The following SLC35E2B variants were observed in gnomAD, a reference collection of about 807,000 sequenced individuals.
The protein encoded by SLC35E2B is solute carrier family 35 member E2B, also known as solute carrier family 35, member E2B.
A neutral mutation model predicts 32.4 loss-of-function variants in SLC35E2B; 18 were observed. That is an observed-to-expected ratio of 0.56 (90% CI 0.38 to 0.82). The LOEUF is 0.82. Among genes scored for constraint, SLC35E2B ranks in the 40% least tolerant of loss-of-function variants. The probability of loss-of-function intolerance (pLI) is 0.00; values close to 1 mark genes in which losing one functional copy is unlikely to be tolerated. For synonymous variants in SLC35E2B, 132 were observed against 209.1 expected (o/e 0.63, Z 3.18); for missense variants, 263 against 469.5 (o/e 0.56, Z 4.06).
chr1:1,664,455 G>A lies in SLC35E2B; in HGVS notation c.*1327C>T. The A allele has an allele frequency of 7.7e-6, 7 of 906,782 alleles. No individual in the cohort carries two copies. Among genetic ancestry groups the A allele is most frequent in the Non-Finnish European group, 9.2e-6 (7 of 759,020 alleles). 56.2% of individuals were successfully genotyped at this position (906,782 alleles called of 1,614,324 possible). A position where few individuals can be genotyped will look rare whatever the true frequency, so the allele number is the denominator to read the frequency against. On this transcript the variant is annotated 3_prime_UTR_variant, in exon 10 of 10. Transcript: ENST00000617444. ...CCCCATGCTGCCTCTGACAAGCCCT[G>A]GAGCTCTGGGTCTCAAAGGCTGGCT... is the stretch of plus-strand genomic sequence containing the variant.
In SLC35E2B at chr1:1,671,561, T is replaced by A. The variant is rs1340924408; in HGVS notation, c.655A>T (p.Ser219Cys). 1 of 1,549,660 alleles carries A rather than the reference T, an allele frequency of 6.5e-7. No individual in the cohort carries two copies. Among genetic ancestry groups the A allele is most frequent in the South Asian group, 1.2e-5 (1 of 83,582 alleles). The change falls in exon 6 of 10, where the codon AGC becomes TGC. Residue 219 changes from serine (S) to cysteine (C), a missense_variant. Ser to Cys is a moderately radical substitution (Grantham distance 112). Coordinates refer to ENST00000617444, the MANE Select transcript of SLC35E2B (RefSeq NM_001290264.2). ...GCCGAGAACCCCAGGACATTGAAGC[T>A]GATCTCAGTGGCCGTGCACAGCGCC... ...GLALCTATEI[S>C]FNVLGFSAAL...
In SLC35E2B at chr1:1,665,701, G is replaced by A. The variant is rs912110154; in HGVS notation, c.*81C>T. The A allele has an allele frequency of 6.6e-7, 1 of 1,511,616 alleles. No individual in the cohort carries two copies. Among genetic ancestry groups the A allele is most frequent in the Non-Finnish European group, 8.9e-7 (1 of 1,124,486 alleles). 93.6% of individuals were successfully genotyped at this position (1,511,616 alleles called of 1,614,324 possible). A position where few individuals can be genotyped will look rare whatever the true frequency, so the allele number is the denominator to read the frequency against. On this transcript the variant is annotated 3_prime_UTR_variant, in exon 10 of 10. Transcript: ENST00000617444. ...GCTCCCCATGTCCTGCACCCCAGCA[G>A]GGCCATGGAGGAGGGCGTCCCTGCC...
chr1:1,690,421 A>T (rs1307831904), intron 2 of SLC35E2B, among the ~76,000 whole-genome samples: 1 of 150,026 alleles, frequency 6.7e-6, no homozygotes, highest in African/African-American at 2.4e-5. Context: ...ATTCCTACAA[A>T]CCAAGTAGAA....
chr1:1,673,065 C>G (rs1446176838), intron 5 of SLC35E2B: 1 of 166,906 alleles, frequency 6.0e-6, no homozygotes. Flanking sequence ...ATTTTGTTTA[C>G]GATTTTTAGG....
chr1:1,686,555 G>A (rs1221555240), intron 2 of SLC35E2B, among the ~76,000 whole-genome samples: 1 of 151,736 alleles, frequency 6.6e-6, no homozygotes. Flanking sequence ...AGGCCGAGGC[G>A]GGTGGATCAC....
At chr1:1,679,222 G>A (rs1186402261) in intron 2 of SLC35E2B, among the ~76,000 whole-genome samples, 3 of 152,208 alleles carry the variant, frequency 2.0e-5, no homozygotes, top group Middle Eastern at 3.2e-3. Context: ...GGGCTCGGGC[G>A]TGTGCAGACG....
chr1:1,666,093 G>A (rs959826812), intron 9 of SLC35E2B, 74 bp from the exon 10 acceptor site: 4 of 1,481,756 alleles, frequency 2.7e-6, no homozygotes, highest in Non-Finnish European at 3.6e-6. Context: ...CAGCTCGGCT[G>A]AGCCTGGGTC....
Position 1,665,756 on chromosome 1 carries a change from C to CA in SLC35E2B, c.*25dup. Reference sequence around the variant, plus strand: ...TCTGGGGGATGCAGTGTCACGAGGACAGCAGCAGCTGGCAGCTTCCTGCTC... The same window carrying CA: ...TCTGGGGGATGCAGTGTCACGAGGACAAGCAGCAGCTGGCAGCTTCCTGCTC... On this transcript the variant is annotated 3_prime_UTR_variant, in exon 10 of 10. Coordinates refer to ENST00000617444, the MANE Select transcript of SLC35E2B (RefSeq NM_001290264.2). The CA allele has an allele frequency of 6.5e-7, 1 of 1,547,192 alleles. No individual in the cohort carries two copies. Among genetic ancestry groups the CA allele is most frequent in the Non-Finnish European group, 8.7e-7 (1 of 1,144,570 alleles).
At position 1,661,608 on chromosome 1, in the gene SLC35E2B, C is replaced by CA. The variant is rs1570296960; in HGVS notation, c.*4173dup. 1 of 563,162 alleles carries CA rather than the reference C, an allele frequency of 1.8e-6. No individual in the cohort carries two copies. Among genetic ancestry groups the CA allele is most frequent in the African/African-American group, 2.0e-5 (1 of 50,670 alleles). 34.9% of individuals were successfully genotyped at this position (563,162 alleles called of 1,614,324 possible). A position where few individuals can be genotyped will look rare whatever the true frequency, so the allele number is the denominator to read the frequency against. On this transcript the variant is annotated 3_prime_UTR_variant, in exon 10 of 10. Coordinates refer to ENST00000617444, the MANE Select transcript of SLC35E2B (RefSeq NM_001290264.2). ...GTTACACGGTATCAACTTACCACCA[C>CA]AGCAGAATCAACAGTGACTCGCTAA...
chr1:1,665,148 C>T lies in SLC35E2B; in HGVS notation c.*634G>A, dbSNP rs1643508786. On this transcript the variant is annotated 3_prime_UTR_variant, in exon 10 of 10. Coordinates refer to ENST00000617444, the MANE Select transcript of SLC35E2B (RefSeq NM_001290264.2). ...TAAACAGAAGCGACTGAACGGCCTC[C>T]GTGGTCATAGCCCTTGAGTGCCGTG... The T allele has an allele frequency of 3.0e-5, 5 of 168,148 alleles. No homozygotes were observed. Among genetic ancestry groups the T allele is most frequent in the South Asian group, 2.0e-4 (1 of 5,124 alleles). The allele number at this position is 168,148 out of a possible 1,614,324, so 10.4% of individuals were successfully genotyped here. A position where few individuals can be genotyped will look rare whatever the true frequency, so the allele number is the denominator to read the frequency against.
At chr1:1,672,777 G>A (rs568297435) in intron 5 of SLC35E2B, 4 of 152,506 alleles carry the variant, frequency 2.6e-5, no homozygotes, top group African/African-American at 9.6e-5. Flanking sequence ...CACCGGGGAG[G>A]GTGGTGCCTT....
At chr1:1,689,036 G>C (rs1426954747) in intron 2 of SLC35E2B, among the ~76,000 whole-genome samples, 3 of 152,096 alleles carry the variant, frequency 2.0e-5, no homozygotes, top group East Asian at 3.9e-4. Context: ...GCTGGACGTG[G>C]TGGTGGGTGC....
chr1:1,662,725 G>C lies in SLC35E2B; in HGVS notation c.*3057C>G, dbSNP rs1051286852. The stretch of plus-strand genomic sequence containing the variant: ...CAGTAGGGGAAGTTTCCTTGAAAGA[G>C]AGCTGCAAATCTCTTAAGTATCAAC... On this transcript the variant is annotated 3_prime_UTR_variant, in exon 10 of 10. Transcript: ENST00000617444. 1.1e-5 allele frequency: 8 copies of C among 746,256 alleles called. 1 individual carries two copies. The highest frequency in any genetic ancestry group is 1.3e-5 in the Non-Finnish European group (8 of 619,582). 46.2% of individuals were successfully genotyped at this position (746,256 alleles called of 1,614,324 possible).
At chr1:1,680,259 C>A (rs1037928526) in intron 2 of SLC35E2B, among the ~76,000 whole-genome samples, 4 of 151,898 alleles carry the variant, frequency 2.6e-5, no homozygotes, top group African/African-American at 9.7e-5. Flanking sequence ...CGTGATTGTG[C>A]CACTGAACTC....
Position 1,662,944 on chromosome 1 carries a change from T to C in SLC35E2B, c.*2838A>G, listed in dbSNP as rs539141119. 7.5e-4 allele frequency: 669 copies of C among 897,246 alleles called. 52 individuals are homozygous for C. Among genetic ancestry groups the C allele is most frequent in the Non-Finnish European group, 8.7e-4 (651 of 748,238 alleles). The allele number at this position is 897,246 out of a possible 1,614,324, so 55.6% of individuals were successfully genotyped here. On this transcript the variant is annotated 3_prime_UTR_variant, in exon 10 of 10. Coordinates refer to ENST00000617444, the MANE Select transcript of SLC35E2B (RefSeq NM_001290264.2). ...ACACAAAGTTATTTTAAAAAATGTC[T>C]GTACAATCGTTAACACGGCCAAGCC...
At chr1:1,675,375 C>T in intron 5 of SLC35E2B, 88 bp downstream of exon 5, 1 of 1,037,478 alleles carries the variant, frequency 9.6e-7, no homozygotes, top group East Asian at 2.6e-5. Context: ...CGCGGCAGAG[C>T]CCCATGGCAG....
intron 2 of SLC35E2B, among the ~76,000 whole-genome samples, chr1:1,687,496 T>C (rs1367647456): frequency 6.6e-6 from 1 of 152,030 alleles, no homozygotes; most frequent in African/African-American, 2.4e-5. Context: ...TCCCAGCACT[T>C]TGGGAGGCCG....
At position 1,665,762 on chromosome 1, in the gene SLC35E2B, C is replaced by T. The variant is rs925759375; in HGVS notation, c.*20G>A. ...GGATGCAGTGTCACGAGGACAGCAG[C>T]AGCTGGCAGCTTCCTGCTCTCAGGG... On this transcript the variant is annotated 3_prime_UTR_variant, in exon 10 of 10. Transcript: ENST00000617444. 6 of 1,547,692 alleles carry T rather than the reference C, an allele frequency of 3.9e-6. 1 individual carries two copies. The South Asian group carries it at 6.0e-5, about 15-fold the overall frequency.
At position 1,664,686 on chromosome 1, in the gene SLC35E2B, T is replaced by A. The variant is rs1643495751; in HGVS notation, c.*1096A>T. On this transcript the variant is annotated 3_prime_UTR_variant, in exon 10 of 10. Coordinates refer to ENST00000617444, the MANE Select transcript of SLC35E2B (RefSeq NM_001290264.2). ...CCGTACTACTGTCCCTTGGGGAGAGTGGGACAGGGTGGGCGCCTGACACAC... is the reference window on the plus strand; with the variant it reads ...CCGTACTACTGTCCCTTGGGGAGAGAGGGACAGGGTGGGCGCCTGACACAC... 1 of 828,188 alleles carries A rather than the reference T, an allele frequency of 1.2e-6. No homozygotes were observed. Among genetic ancestry groups the A allele is most frequent in the African/African-American group, 2.1e-5 (1 of 48,692 alleles). The allele number at this position is 828,188 out of a possible 1,614,324, so 51.3% of individuals were successfully genotyped here.
Sources: allele counts gnomAD v4.1 joint callset (sites outside exome capture counted in the v4.1 genomes callset), GRCh38; gene constraint gnomAD v4.1.1; transcripts MANE v1.5; gene names NCBI Gene and HGNC (gene_info 2026-07-23, HGNC 2026-07-21).